SYNE2: variants seen among roughly 807,000 people sequenced by gnomAD.
SYNE2 encodes the protein nesprin-2.
Under a neutral mutation model 856.3 loss-of-function variants are expected in SYNE2, and 431 were observed. The observed-to-expected ratio is 0.50, with a 90% CI of 0.47 to 0.55. The LOEUF (loss-of-function observed/expected upper bound fraction) is 0.55. Ranked by LOEUF, SYNE2 falls within the 20% of genes least tolerant of loss-of-function variation. SYNE2 has a pLI of 0.00. For missense variants in SYNE2, 8,129 were observed against 8,023.2 expected (o/e 1.01, Z -0.50); for synonymous variants, 2,923 against 2,872.3 (o/e 1.02, Z -0.56).
chr14:64,108,334 C>T (rs1051162591), intron 65 of SYNE2, among the ~76,000 whole-genome samples: 2 of 151,638 alleles, frequency 1.3e-5, no homozygotes, highest in Non-Finnish European at 2.9e-5. Context: ...CCTGCCTGGG[C>T]GATTGAGCAA....
In SYNE2 at chr14:64,016,482, G is replaced by T. The variant is rs190340029; in HGVS notation, c.4738G>T (p.Val1580Phe). The T allele has an allele frequency of 5.2e-5, 82 of 1,584,938 alleles. No homozygotes were observed. In the Admixed American group the frequency reaches 1.4e-3, roughly 26 times the overall value. The change falls in exon 33 of 116, where the codon GTC becomes TTC. Residue 1580 changes from valine (V) to phenylalanine (F), a missense_variant. Transcript: ENST00000555002. The part of the protein sequence containing the change: ...LKKRIAEIEI[V>F]KEEFNEHLEV... ...CATATCTTTTTTACAGATTGAAATT[G>T]TCAAAGAAGAATTTAATGAGCATTT...
At chr14:64,007,263 T>G in intron 31 of SYNE2, 41 bp downstream of exon 31, 1 of 1,589,346 alleles carries the variant, frequency 6.3e-7, no homozygotes, top group Non-Finnish European at 8.6e-7. Context: ...TGAAAAATTG[T>G]CTGTAGCACA....
At chr14:63,950,824 T>G (rs1042709239) in intron 7 of SYNE2, among the ~76,000 whole-genome samples, 2 of 151,924 alleles carry the variant, frequency 1.3e-5, no homozygotes, top group Admixed American at 1.3e-4. Context: ...GTCTGGCTAA[T>G]TTTTGTATTT....
Position 64,101,778 on chromosome 14 carries a change from T to A in SYNE2, c.12382-154T>A, listed in dbSNP as rs80342286. 0.038 allele frequency among the ~76,000 whole-genome samples: 5,748 copies of A among 152,048 alleles called. 335 individuals carry two copies. Among genetic ancestry groups the A allele is most frequent in the African/African-American group, 0.13 (5,434 of 41,418 alleles). Reference sequence around the variant, plus strand: ...AACATGATATAGTTAGTAAAAAAAATACAGATAAAAAAATGGGGGAGGACT... The same window carrying A: ...AACATGATATAGTTAGTAAAAAAAAAACAGATAAAAAAATGGGGGAGGACT... On this transcript the variant is annotated intron_variant, in intron 63 of 115. Transcript: ENST00000555002.
chr14:63,803,519 C>T (rs946851875), intron 1 of SYNE2, among the ~76,000 whole-genome samples: 5 of 152,216 alleles, frequency 3.3e-5, no homozygotes, highest in African/African-American at 9.6e-5. Context: ...TGCTAAGTCC[C>T]TCATTGCCCG....
chr14:63,952,861 T>C (rs2096184867), intron 7 of SYNE2, among the ~76,000 whole-genome samples: 1 of 152,194 alleles, frequency 6.6e-6, no homozygotes, highest in Non-Finnish European at 1.5e-5. Flanking sequence ...GATTCAGACC[T>C]TAAAATAGTC....
At chr14:63,908,988 A>G in intron 1 of SYNE2, 110 bp from the exon 2 acceptor site, 1 of 677,670 alleles carries the variant, frequency 1.5e-6, no homozygotes, top group Admixed American at 2.0e-5. Flanking sequence ...GTAGAAAGCC[A>G]TACTTGTTTT....
At chr14:63,832,866 C>CAAAAAAAAAAAAAAAAAAAAAAA (rs36099684) in intron 1 of SYNE2, among the ~76,000 whole-genome samples, 1 of 64,750 alleles carries the variant, frequency 1.5e-5, no homozygotes, top group Non-Finnish European at 2.9e-5. Context: ...CTGTCTCTAC[C>CAAAAAAAAAAAAAAAAAAAAAAA]AAAAAAAAAA....
chr14:64,119,748 A>G (rs984258881), intron 67 of SYNE2, 139 bp downstream of exon 67: 9 of 803,974 alleles, frequency 1.1e-5, no homozygotes, highest in African/African-American at 8.7e-5. Flanking sequence ...CATTAACACC[A>G]TAGATGAGTA....
chr14:64,215,663 C>A, intron 107 of SYNE2: 1 of 501,424 alleles, frequency 2.0e-6, no homozygotes, highest in Non-Finnish European at 3.5e-6. Context: ...TTGGCATGGG[C>A]CAAGCTTTCT....
intron 60 of SYNE2, 46 bp downstream of exon 60, chr14:64,091,094 A>G (rs762024618): frequency 1.1e-5 from 17 of 1,586,026 alleles, no homozygotes; most frequent in Non-Finnish European, 1.5e-5. Flanking sequence ...GAAAATGTTC[A>G]CCAAAAGCTG....
At position 64,003,120 on chromosome 14, in the gene SYNE2, A is replaced by G. The variant is rs775008300; in HGVS notation, c.4187A>G (p.Asp1396Gly). The G allele has an allele frequency of 1.2e-6, 2 of 1,614,194 alleles. No individual in the cohort carries two copies. The highest frequency in any genetic ancestry group is 2.2e-5 in the South Asian group (2 of 91,084). The change falls in exon 30 of 116, where the codon GAC (aspartate) becomes GGC (glycine). Residue 1396 changes from aspartate (D) to glycine (G), a missense_variant. By Grantham distance (94) the Asp-to-Gly change is moderately conservative (BLOSUM62 -1). Transcript: ENST00000555002. ...TTTAAAGATGCTGAACGGGGTGATGACACCTCCTGTGAAAACCTGCTTGAT... is the reference window on the plus strand; with the variant it reads ...TTTAAAGATGCTGAACGGGGTGATGGCACCTCCTGTGAAAACCTGCTTGAT... ...MSFKDAERGD[D>G]TSCENLLDAF... is the part of the protein sequence containing the mutation.
At chr14:63,934,069 C>G (rs2095799379) in intron 2 of SYNE2, among the ~76,000 whole-genome samples, 5 of 152,172 alleles carry the variant, frequency 3.3e-5, no homozygotes, top group Admixed American at 2.6e-4. Context: ...CCTGGGATGT[C>G]TTTGTTTGCC....
At chr14:64,002,552 T>C (rs10149728) in intron 29 of SYNE2, among the ~76,000 whole-genome samples, 168 bp from the exon 30 acceptor site, 3 of 152,052 alleles carry the variant, frequency 2.0e-5, no homozygotes, top group African/African-American at 7.2e-5. Context: ...GCTGGCACAT[T>C]GATCATTTGT....
At chr14:63,960,593 A>G in intron 8 of SYNE2, 1 of 579,352 alleles carries the variant, frequency 1.7e-6, no homozygotes, top group Non-Finnish European at 3.1e-6. Flanking sequence ...TTAATTAATA[A>G]ATAAACAGTG....
At chr14:63,847,811 C>T (rs749432792) in intron 1 of SYNE2, among the ~76,000 whole-genome samples, 3 of 152,018 alleles carry the variant, frequency 2.0e-5, no homozygotes, top group East Asian at 1.9e-4. Context: ...GTCTTGAACT[C>T]GTGACCTCAG....
At chr14:64,093,878 T>A (rs746175975) in intron 61 of SYNE2, among the ~76,000 whole-genome samples, 71 of 152,130 alleles carry the variant, frequency 4.7e-4, no homozygotes, top group Non-Finnish European at 4.1e-4. Flanking sequence ...GAACCTGATA[T>A]AACACACAGG....
chr14:64,063,908 T>C (rs958991219), intron 50 of SYNE2, among the ~76,000 whole-genome samples: 1 of 152,210 alleles, frequency 6.6e-6, no homozygotes, highest in Non-Finnish European at 1.5e-5. Flanking sequence ...TCTATGTATA[T>C]AATTTTTTTC....
At chr14:63,825,335 C>A (rs1465295361) in intron 1 of SYNE2, among the ~76,000 whole-genome samples, 1 of 151,790 alleles carries the variant, frequency 6.6e-6, no homozygotes, top group African/African-American at 2.4e-5. Flanking sequence ...ATAACATAAA[C>A]TTTTATGTAA....
Sources: gnomAD v4.1 joint callset for allele counts (sites outside exome capture counted in the v4.1 genomes callset) on GRCh38, gnomAD v4.1.1 for gene constraint, MANE v1.5 for transcripts, NCBI Gene and HGNC (gene_info 2026-07-23, HGNC 2026-07-21) for gene names.